SBF2: variants seen among roughly 807,000 people sequenced by gnomAD.
SBF2 encodes myotubularin-related protein 13.
In SBF2, 112 loss-of-function variants were observed where a neutral mutation model predicts 225.2. That is an observed-to-expected ratio of 0.50 (90% CI 0.43 to 0.58). SBF2 has a LOEUF of 0.58. Ranked by LOEUF, SBF2 falls within the 20% of genes least tolerant of loss-of-function variation. The pLI is 0.00. For missense variants in SBF2, 1,996 were observed against 2,206.2 expected (o/e 0.90, Z 1.91); for synonymous variants, 763 against 773.3 (o/e 0.99, Z 0.22).
At chr11:10,105,712 A>T (rs747298901) in intron 2 of SBF2, among the ~76,000 whole-genome samples, 6 of 152,246 alleles carry the variant, frequency 3.9e-5, no homozygotes, top group Non-Finnish European at 8.8e-5. Flanking sequence ...GGAAAGGCAC[A>T]TGACCTAACC....
intron 9 of SBF2, among the ~76,000 whole-genome samples, chr11:9,996,585 T>C (rs1947713861): frequency 6.6e-6 from 1 of 152,034 alleles, no homozygotes; most frequent in Non-Finnish European, 1.5e-5. Flanking sequence ...AGATGGGGGT[T>C]TCACCATGTT....
intron 32 of SBF2, among the ~76,000 whole-genome samples, 156 bp from the exon 33 acceptor site, chr11:9,796,113 C>T (rs1853105581): frequency 1.3e-5 from 2 of 152,036 alleles, no homozygotes; most frequent in Non-Finnish European, 1.5e-5. Context: ...GGGAAGGGAA[C>T]CAGCTTTTCC....
intron 2 of SBF2, among the ~76,000 whole-genome samples, chr11:10,045,554 C>A (rs1028143061): frequency 2.6e-5 from 4 of 152,226 alleles, no homozygotes; most frequent in Non-Finnish European, 5.9e-5. Flanking sequence ...AAGGGGCTCA[C>A]ACAACCTGTG....
intron 2 of SBF2, among the ~76,000 whole-genome samples, chr11:10,061,089 T>A (rs75701733): frequency 6.6e-6 from 1 of 152,018 alleles, no homozygotes; most frequent in African/African-American, 2.4e-5. Context: ...TAAACAGAAC[T>A]AAAGACAAAA....
At chr11:10,070,373 A>G (rs1950813052) in intron 2 of SBF2, among the ~76,000 whole-genome samples, 1 of 152,224 alleles carries the variant, frequency 6.6e-6, no homozygotes, top group Non-Finnish European at 1.5e-5. Flanking sequence ...AGTTTTCTAC[A>G]TATGGCTAGC....
chr11:9,994,107 T>G, intron 9 of SBF2, 109 bp from the exon 10 acceptor site: 1 of 855,726 alleles, frequency 1.2e-6, no homozygotes, highest in Admixed American at 2.0e-5. Context: ...ATTCCCTCCA[T>G]GAATACAATT....
intron 9 of SBF2, among the ~76,000 whole-genome samples, chr11:9,996,659 G>T (rs1590711692): frequency 6.6e-6 from 1 of 152,208 alleles, no homozygotes; most frequent in South Asian, 2.1e-4. Context: ...AAAGTGCTGG[G>T]ATTACAGGCG....
At chr11:10,144,332 C>T (rs1954791405) in intron 2 of SBF2, among the ~76,000 whole-genome samples, 1 of 151,886 alleles carries the variant, frequency 6.6e-6, no homozygotes, top group Admixed American at 6.6e-5. Flanking sequence ...TACAAAAAAA[C>T]ACAAAAATTA....
rs549279728 is a variant in SBF2 at position 9,805,710 on chromosome 11, C to T, written c.4443+2290G>A. ...GCTTCTCAGCTCAATGCAACCTCCG[C>T]CTCCCGGGTTCAAGCGATTCTCCTG... is the stretch of plus-strand genomic sequence containing the variant. On this transcript the variant is annotated intron_variant, in intron 32 of 39. Transcript: ENST00000256190. Among the ~76,000 whole-genome samples, 5 of 152,290 alleles carry T rather than the reference C, an allele frequency of 3.3e-5. No individual in the cohort carries two copies. The East Asian group carries it at 7.7e-4, about 23-fold the overall frequency.
At chr11:9,873,465 T>C (rs930930141) in intron 17 of SBF2, among the ~76,000 whole-genome samples, 2 of 152,122 alleles carry the variant, frequency 1.3e-5, no homozygotes, top group African/African-American at 4.8e-5. Context: ...TTAATATGTA[T>C]TTAGTAAACA....
At chr11:10,011,349 C>T (rs1401049322) in intron 6 of SBF2, among the ~76,000 whole-genome samples, 1 of 152,168 alleles carries the variant, frequency 6.6e-6, no homozygotes, top group Non-Finnish European at 1.5e-5. Context: ...ACCTTAGCCT[C>T]TCAAGTAGCT....
At chr11:10,218,984 T>G (rs1348589408) in intron 1 of SBF2, among the ~76,000 whole-genome samples, 1 of 152,152 alleles carries the variant, frequency 6.6e-6, no homozygotes. Flanking sequence ...AGGTGCATAG[T>G]GCAAGCTGTC....
intron 17 of SBF2, among the ~76,000 whole-genome samples, chr11:9,880,740 T>C (rs1203554215): frequency 6.6e-6 from 1 of 152,222 alleles, no homozygotes; most frequent in Non-Finnish European, 1.5e-5. Flanking sequence ...CTCCTTAACA[T>C]GACATTCTAG....
intron 13 of SBF2, among the ~76,000 whole-genome samples, chr11:9,974,628 C>A (rs1466298137): frequency 6.9e-6 from 1 of 145,586 alleles, no homozygotes; most frequent in Non-Finnish European, 1.5e-5. Flanking sequence ...GTTGGAAAGG[C>A]TAAAACAAGA....
chr11:9,801,789 C>A (rs1306724667), intron 32 of SBF2, among the ~76,000 whole-genome samples: 2 of 152,180 alleles, frequency 1.3e-5, no homozygotes, highest in African/African-American at 4.8e-5. Context: ...CTTGAATATA[C>A]CAACAATCCA....
At chr11:9,785,021 TA>T in intron 37 of SBF2, 103 bp downstream of exon 37, 2 of 999,894 alleles carry the variant, frequency 2.0e-6, no homozygotes, top group Non-Finnish European at 3.2e-6. Flanking sequence ...TTCAAGTTTA[TA>T]AAAGGCTGTA....
chr11:10,105,601 GCTCA>G (rs1952510801), intron 2 of SBF2, among the ~76,000 whole-genome samples: 1 of 152,098 alleles, frequency 6.6e-6, no homozygotes, highest in African/African-American at 2.4e-5. Context: ...AAAAATAAAA[GCTCA>G]CTTTTTTATA....
At chr11:9,891,177 G>A (rs1334424113) in intron 17 of SBF2, among the ~76,000 whole-genome samples, 1 of 152,002 alleles carries the variant, frequency 6.6e-6, no homozygotes, top group Admixed American at 6.6e-5. Context: ...TGGTGAAGGG[G>A]CCATGACTTT....
At chr11:10,195,086 G>T (rs970838963) in intron 1 of SBF2, among the ~76,000 whole-genome samples, 3 of 152,198 alleles carry the variant, frequency 2.0e-5, no homozygotes, top group African/African-American at 7.2e-5. Flanking sequence ...CTTGACCATT[G>T]TTTAGGCAGG....
Sources: gnomAD v4.1 joint callset for allele counts (sites outside exome capture counted in the v4.1 genomes callset) on GRCh38, gnomAD v4.1.1 for gene constraint, MANE v1.5 for transcripts, NCBI Gene and HGNC (gene_info 2026-07-23, HGNC 2026-07-21) for gene names.